Variants in ZCWPW2 observed in about 807,000 individuals in gnomAD.
ZCWPW2 encodes the protein zinc finger CW-type PWWP domain protein 2.
Under a neutral mutation model 46.6 loss-of-function variants are expected in ZCWPW2, and 45 were observed. The observed-to-expected ratio is 0.96, with a 90% confidence interval of 0.76 to 1.24. ZCWPW2 has a LOEUF of 1.24. Ranked by LOEUF, ZCWPW2 falls within the 50% of genes most tolerant of loss-of-function variation. The pLI is 0.00. For missense variants in ZCWPW2, 429 were observed against 403.9 expected (o/e 1.06, Z -0.53); for synonymous variants, 152 against 137.1 (o/e 1.11, Z -0.76).
intron 4 of ZCWPW2, chr3:28,460,951 AT>A: frequency 3.9e-6 from 1 of 253,992 alleles, no homozygotes; most frequent in South Asian, 3.8e-5. Flanking sequence ...AAGGATAATA[AT>A]TTTTTATTTC....
At chr3:28,515,756 T>C (rs1700549047) in intron 8 of ZCWPW2, 135 bp downstream of exon 8, 1 of 639,218 alleles carries the variant, frequency 1.6e-6, no homozygotes, top group Non-Finnish European at 2.6e-6. Flanking sequence ...TATACACATA[T>C]ATACATGTGC....
intron 3 of ZCWPW2, among the ~76,000 whole-genome samples, chr3:28,422,858 C>G (rs908270238): frequency 9.2e-5 from 14 of 152,088 alleles, no homozygotes; most frequent in Admixed American, 9.2e-4. Context: ...TGTTGCTTCA[C>G]CTCCCTGCCA....
At chr3:28,359,479 A>G (rs1056049228) in intron 1 of ZCWPW2, among the ~76,000 whole-genome samples, 1 of 152,110 alleles carries the variant, frequency 6.6e-6, no homozygotes, top group Non-Finnish European at 1.5e-5. Flanking sequence ...CTTTGATTTC[A>G]TGGATAAAAA....
At chr3:28,374,677 A>G (rs1343115411) in intron 1 of ZCWPW2, among the ~76,000 whole-genome samples, 1 of 151,988 alleles carries the variant, frequency 6.6e-6, no homozygotes, top group African/African-American at 2.4e-5. Context: ...TTTTTCTTGT[A>G]TAGATCTTTC....
intron 3 of ZCWPW2, 98 bp downstream of exon 3, chr3:28,413,498 A>G (rs1696492748): frequency 9.3e-7 from 1 of 1,078,334 alleles, no homozygotes; most frequent in Non-Finnish European, 1.3e-6. Flanking sequence ...TCTTTTGTCT[A>G]CTTGTTTCTT....
At chr3:28,506,116 A>G (rs1700270300) in intron 6 of ZCWPW2, among the ~76,000 whole-genome samples, 1 of 147,492 alleles carries the variant, frequency 6.8e-6, no homozygotes, top group Non-Finnish European at 1.5e-5. Flanking sequence ...TATATATTTA[A>G]CAAATATATA....
At chr3:28,402,623 T>C (rs1440104698) in intron 2 of ZCWPW2, among the ~76,000 whole-genome samples, 1 of 152,126 alleles carries the variant, frequency 6.6e-6, no homozygotes, top group East Asian at 1.9e-4. Context: ...CAGACCGATA[T>C]TCGTGATGAA....
intron 4 of ZCWPW2, chr3:28,448,013 T>G (rs983322894): frequency 7.4e-6 from 3 of 402,778 alleles, no homozygotes; most frequent in African/African-American, 6.0e-5. Flanking sequence ...GCTTTCCTTA[T>G]TAAGGAGCAG....
At chr3:28,381,917 C>G (rs1309085147) in intron 1 of ZCWPW2, among the ~76,000 whole-genome samples, 1 of 152,070 alleles carries the variant, frequency 6.6e-6, no homozygotes, top group African/African-American at 2.4e-5. Context: ...CTAATCCCAG[C>G]AATAGGAGGC....
At chr3:28,492,404 A>G (rs1201250591) in intron 6 of ZCWPW2, among the ~76,000 whole-genome samples, 1 of 152,110 alleles carries the variant, frequency 6.6e-6, no homozygotes, top group African/African-American at 2.4e-5. Context: ...ATAGAGAACT[A>G]TAAGTAAACA....
intron 6 of ZCWPW2, among the ~76,000 whole-genome samples, chr3:28,509,428 A>C (rs1700366565): frequency 6.6e-6 from 1 of 152,136 alleles, no homozygotes; most frequent in Non-Finnish European, 1.5e-5. Flanking sequence ...TAGCTGTACC[A>C]TTTTATATTC....
intron 1 of ZCWPW2, among the ~76,000 whole-genome samples, chr3:28,377,873 A>G (rs930669573): frequency 1.3e-5 from 2 of 152,066 alleles, no homozygotes; most frequent in Admixed American, 6.6e-5. Context: ...TTTTAGCACA[A>G]TTTATCAAAT....
chr3:28,492,830 C>T (rs1464339395), intron 6 of ZCWPW2, among the ~76,000 whole-genome samples: 2 of 151,946 alleles, frequency 1.3e-5, no homozygotes, highest in African/African-American at 2.4e-5. Context: ...TGGACATATA[C>T]TAGTGCCACA....
intron 6 of ZCWPW2, among the ~76,000 whole-genome samples, chr3:28,498,730 A>G (rs1228208341): frequency 6.6e-6 from 1 of 151,718 alleles, no homozygotes; most frequent in Non-Finnish European, 1.5e-5. Context: ...TACACGTGCC[A>G]TGGTGGTTTG....
At chr3:28,356,861 G>A (rs1238741890) in intron 1 of ZCWPW2, among the ~76,000 whole-genome samples, 4 of 152,040 alleles carry the variant, frequency 2.6e-5, no homozygotes, top group Non-Finnish European at 4.4e-5. Flanking sequence ...TCGTGGGGTG[G>A]GAGAAGGGGG....
chr3:28,468,046 A>T (rs967677812), intron 4 of ZCWPW2, among the ~76,000 whole-genome samples: 15 of 152,174 alleles, frequency 9.9e-5, no homozygotes, highest in African/African-American at 3.1e-4. Context: ...AGCTGTTTTG[A>T]GGAACTCAAA....
chr3:28,421,693 A>C (rs1167133617), intron 3 of ZCWPW2, among the ~76,000 whole-genome samples: 1 of 151,856 alleles, frequency 6.6e-6, no homozygotes, highest in Non-Finnish European at 1.5e-5. Context: ...ATCCCTAGCC[A>C]GTCTATCGTT....
chr3:28,400,393 C>A (rs1037043641), intron 2 of ZCWPW2, among the ~76,000 whole-genome samples: 2 of 152,196 alleles, frequency 1.3e-5, no homozygotes, highest in Non-Finnish European at 2.9e-5. Context: ...AAAGCTTCTT[C>A]AGCCTTGCTA....
intron 4 of ZCWPW2, among the ~76,000 whole-genome samples, chr3:28,457,269 T>C (rs914716667): frequency 1.3e-5 from 2 of 152,186 alleles, no homozygotes; most frequent in African/African-American, 4.8e-5. Context: ...AACCATCTTC[T>C]TTACCTAGAT....
Sources: gnomAD v4.1 joint callset for allele counts (sites outside exome capture counted in the v4.1 genomes callset) on GRCh38, gnomAD v4.1.1 for gene constraint, MANE v1.5 for transcripts, NCBI Gene and HGNC (gene_info 2026-07-23, HGNC 2026-07-21) for gene names.